The following SAFB variants were observed in gnomAD, a reference collection of about 807,000 sequenced individuals.
SAFB encodes scaffold attachment factor B.
SAFB carries 15 observed loss-of-function variants against 101.6 expected under a neutral mutation model. The observed-to-expected ratio is 0.15, with a 90% confidence interval of 0.10 to 0.23. The LOEUF (loss-of-function observed/expected upper bound fraction) is 0.23. SAFB is among the 10% of genes least tolerant of loss of function. SAFB has a pLI of 1.00. For synonymous variants in SAFB, 449 were observed against 407.5 expected, an observed-to-expected ratio of 1.10 and a Z score of -1.23; for missense variants, 930 against 1,104.1, an observed-to-expected ratio of 0.84 and a Z score of 2.23.
chr19:5,660,211 T>A (rs2054163246), intron 14 of SAFB, among the ~76,000 whole-genome samples: 1 of 152,058 alleles, frequency 6.6e-6, no homozygotes, highest in Non-Finnish European at 1.5e-5. Flanking sequence ...TTTCTGCATA[T>A]AACCCATGTA....
intron 5 of SAFB, 69 bp downstream of exon 5, chr19:5,645,468 G>A (rs2053808182): frequency 1.2e-5 from 9 of 752,618 alleles, no homozygotes; most frequent in Non-Finnish European, 1.9e-5. Context: ...ATCCATTTCA[G>A]ACACCATATG....
Position 5,668,216 on chromosome 19 carries a change from T to G in SAFB, c.2679T>G (p.Gly893=), listed in dbSNP as rs1305130720. The G allele has an allele frequency of 1.1e-5, 17 of 1,608,952 alleles. No homozygotes were observed. The highest frequency in any genetic ancestry group is 1.4e-5 in the Non-Finnish European group (17 of 1,178,710). Residue 893 remains glycine, a synonymous_variant, in exon 21 of 21, where the codon GGT becomes GGG. Transcript: ENST00000588852. ...GASRGHPIPH[G]GMQGGFGGQS... ...CCCGGGGCCACCCCATCCCACACGG[T>G]GGCATGCAGGGCGGGTTTGGAGGCC...
chr19:5,654,441 C>T lies in SAFB; in HGVS notation c.1740C>T (p.Ser580=), dbSNP rs61754479. 542 of 1,605,396 alleles carry T rather than the reference C, an allele frequency of 3.4e-4. 2 individuals carry two copies. The East Asian group carries it at 1.0e-2, about 29-fold the overall frequency. ...TGCCTGTGATTAGTGTAAAAACGTCCGGGTCCAAAGAGAGAGTGAGTATTA... is the reference window on the plus strand; with the variant it reads ...TGCCTGTGATTAGTGTAAAAACGTCTGGGTCCAAAGAGAGAGTGAGTATTA... ...KGVPVISVKT[S]GSKERASKSQ... The change falls in exon 13 of 21, where the codon TCC becomes TCT. Residue 580 remains serine, a synonymous_variant. Coordinates refer to ENST00000588852, the MANE Select transcript of SAFB (RefSeq NM_001201338.2).
At chr19:5,627,110 G>GC (rs1380482157) in intron 2 of SAFB, among the ~76,000 whole-genome samples, 4 of 151,726 alleles carry the variant, frequency 2.6e-5, no homozygotes, top group Non-Finnish European at 1.5e-5. Context: ...AGGAGCTCAA[G>GC]CCTGCAATGA....
intron 14 of SAFB, among the ~76,000 whole-genome samples, chr19:5,660,929 C>A (rs2054185375): frequency 7.3e-6 from 1 of 137,094 alleles, no homozygotes; most frequent in African/African-American, 2.7e-5. Flanking sequence ...GAAGCATATA[C>A]TCTGTGGCTT....
intron 14 of SAFB, among the ~76,000 whole-genome samples, chr19:5,660,280 T>C (rs1225497140): frequency 6.6e-6 from 1 of 150,854 alleles, no homozygotes; most frequent in Non-Finnish European, 1.5e-5. Flanking sequence ...GAAAATGCTG[T>C]GTCAGTAGTT....
At chr19:5,660,379 G>A (rs1449431001) in intron 14 of SAFB, among the ~76,000 whole-genome samples, 1 of 118,104 alleles carries the variant, frequency 8.5e-6, no homozygotes, top group Non-Finnish European at 1.6e-5. Context: ...TGGAGACAGG[G>A]TCTCACTCTT....
chr19:5,627,862 A>C (rs1044586402), intron 2 of SAFB, among the ~76,000 whole-genome samples: 1 of 152,168 alleles, frequency 6.6e-6, no homozygotes, highest in African/African-American at 2.4e-5. Flanking sequence ...GCCTTCTGTC[A>C]AGAGCAGATT....
At chr19:5,637,517 A>G (rs1332439962) in intron 2 of SAFB, among the ~76,000 whole-genome samples, 2 of 149,446 alleles carry the variant, frequency 1.3e-5, no homozygotes, top group Non-Finnish European at 3.0e-5. Context: ...TTAGCCAAGC[A>G]TGGTGGCACG....
At chr19:5,655,060 C>A (rs2054025660) in intron 13 of SAFB, among the ~76,000 whole-genome samples, 1 of 152,200 alleles carries the variant, frequency 6.6e-6, no homozygotes, top group African/African-American at 2.4e-5. Context: ...TGCATTCCTA[C>A]ACCCAGCAGT....
At position 5,623,413 on chromosome 19, in the gene SAFB, G is replaced by C; in HGVS notation, c.189+19G>C. The C allele has an allele frequency of 6.2e-7, 1 of 1,609,800 alleles. No individual in the cohort carries two copies. ...GAAGAAGGTGGATTTGGGGCCCCGA[G>C]GGCGGGCACAGGGTGGGTCTGGGGT... On this transcript the variant is annotated intron_variant, in intron 1 of 20. Coordinates refer to ENST00000588852, the MANE Select transcript of SAFB (RefSeq NM_001201338.2).
At chr19:5,650,049 C>A (rs2053902752) in intron 8 of SAFB, 74 bp downstream of exon 8, 4 of 1,171,268 alleles carry the variant, frequency 3.4e-6, no homozygotes, top group South Asian at 2.4e-5. Context: ...GATTCTGGTT[C>A]ATCGCGTGCT....
intron 17 of SAFB, 194 bp from the exon 18 acceptor site, chr19:5,666,852 C>A: frequency 1.5e-6 from 1 of 674,188 alleles, no homozygotes; most frequent in Non-Finnish European, 2.7e-6. Context: ...TGTACCAGGC[C>A]ATGAGCCTAG....
intron 14 of SAFB, among the ~76,000 whole-genome samples, chr19:5,661,185 T>C (rs894861011): frequency 1.3e-5 from 2 of 152,118 alleles, no homozygotes; most frequent in African/African-American, 4.8e-5. Context: ...CCTCCCAAAG[T>C]GCTGGCATTA....
At chr19:5,658,738 T>C (rs1215350123) in intron 14 of SAFB, among the ~76,000 whole-genome samples, 3 of 150,812 alleles carry the variant, frequency 2.0e-5, no homozygotes, top group Non-Finnish European at 2.9e-5. Flanking sequence ...AGCTACTCGG[T>C]AGGCTGAGGC....
chr19:5,629,007 C>T (rs2053430382), intron 2 of SAFB, among the ~76,000 whole-genome samples: 1 of 152,150 alleles, frequency 6.6e-6, no homozygotes, highest in African/African-American at 2.4e-5. Context: ...TCATAGTTCG[C>T]TGCAGCCTTG....
chr19:5,628,941 T>C (rs934196156), intron 2 of SAFB, among the ~76,000 whole-genome samples: 1 of 152,210 alleles, frequency 6.6e-6, no homozygotes, highest in African/African-American at 2.4e-5. Flanking sequence ...GCTGTTTTTG[T>C]TTTGTTTTTG....
rs538460150 is a variant in SAFB at position 5,625,126 on chromosome 19, C to G, written c.190-1279C>G. ...GGTCCCAAAACACGAATACCGCCAG[C>G]CCATATCCCTGTCTGCCACTCACCC... On this transcript the variant is annotated intron_variant, in intron 1 of 20. Coordinates refer to ENST00000588852, the MANE Select transcript of SAFB (RefSeq NM_001201338.2). Among the ~76,000 whole-genome samples the G allele has an allele frequency of 3.9e-4, 59 of 152,312 alleles. No homozygotes were observed. In the South Asian group the frequency reaches 0.012, roughly 31 times the overall value.
At chr19:5,659,945 A>G (rs537417490) in intron 14 of SAFB, among the ~76,000 whole-genome samples, 1 of 152,312 alleles carries the variant, frequency 6.6e-6, no homozygotes, top group East Asian at 1.9e-4. Flanking sequence ...AAAAGTTCCC[A>G]TAAACCGCAG....
Sources: allele counts gnomAD v4.1 joint callset (sites outside exome capture counted in the v4.1 genomes callset), GRCh38; gene constraint gnomAD v4.1.1; transcripts MANE v1.5; gene names NCBI Gene and HGNC (gene_info 2026-07-23, HGNC 2026-07-21).